Variants in OR51B5 observed in about 807,000 individuals in gnomAD.
The protein encoded by OR51B5 is olfactory receptor 51B5.
For synonymous variants in OR51B5, 186 were observed against 144.8 expected (o/e 1.28, Z -2.04); for missense variants, 456 against 374.6 (o/e 1.22, Z -1.79).
chr11:5,402,574 A>C (rs770526554), intron 1 of OR51B5: 34 of 456,860 alleles, frequency 7.4e-5, no homozygotes, highest in Non-Finnish European at 4.6e-5. Context: ...GGTGGCACTG[A>C]TCCCTGAGGA....
At chr11:5,475,171 T>G (rs1244154056) in intron 1 of OR51B5, among the ~76,000 whole-genome samples, 2 of 152,188 alleles carry the variant, frequency 1.3e-5, no homozygotes, top group African/African-American at 4.8e-5. Context: ...TTCCCCACAT[T>G]ATTCAGCCCT....
At chr11:5,350,792 G>A (rs867866293) in intron 1 of OR51B5, among the ~76,000 whole-genome samples, 1 of 152,040 alleles carries the variant, frequency 6.6e-6, no homozygotes, top group Non-Finnish European at 1.5e-5. Context: ...AATAACTAGG[G>A]TTATAAAGCT....
At chr11:5,459,493 T>C (rs1851014168) in intron 1 of OR51B5, among the ~76,000 whole-genome samples, 1 of 140,320 alleles carries the variant, frequency 7.1e-6, no homozygotes, top group Non-Finnish European at 1.5e-5. Context: ...TTTTGTCAGA[T>C]GTATGCTTTG....
intron 1 of OR51B5, among the ~76,000 whole-genome samples, chr11:5,387,479 T>C (rs528025805): frequency 2.1e-4 from 32 of 152,046 alleles, no homozygotes; most frequent in Admixed American, 1.5e-3. Flanking sequence ...CTTGCCAAAG[T>C]GATGTAAGCC....
intron 1 of OR51B5, among the ~76,000 whole-genome samples, chr11:5,483,830 G>A (rs192853299): frequency 2.8e-4 from 42 of 152,228 alleles, no homozygotes; most frequent in Non-Finnish European, 4.4e-4. Flanking sequence ...CTTGACTAGA[G>A]GAGGCAGAAA....
chr11:5,448,320 T>C (rs1480710485), intron 1 of OR51B5, among the ~76,000 whole-genome samples: 1 of 152,230 alleles, frequency 6.6e-6, no homozygotes, highest in Non-Finnish European at 1.5e-5. Flanking sequence ...ACCCAGTAGA[T>C]GTTAATCTAA....
At chr11:5,387,787 A>C (rs1849721749) in intron 1 of OR51B5, among the ~76,000 whole-genome samples, 1 of 152,106 alleles carries the variant, frequency 6.6e-6, no homozygotes, top group African/African-American at 2.4e-5. Context: ...TTCTTCTCTA[A>C]AATTACCTAC....
chr11:5,465,631 C>T (rs1355237472), intron 1 of OR51B5, among the ~76,000 whole-genome samples: 1 of 142,812 alleles, frequency 7.0e-6, no homozygotes, highest in South Asian at 2.4e-4. Context: ...TGGAACAGAA[C>T]AGAGCCCTCA....
intron 1 of OR51B5, among the ~76,000 whole-genome samples, chr11:5,398,364 T>C (rs997589223): frequency 6.6e-6 from 1 of 152,180 alleles, no homozygotes; most frequent in Non-Finnish European, 1.5e-5. Flanking sequence ...ACCTGGGTAA[T>C]TGCTCCTCAG....
At chr11:5,463,068 T>G (rs1006483300) in intron 1 of OR51B5, among the ~76,000 whole-genome samples, 4 of 152,176 alleles carry the variant, frequency 2.6e-5, no homozygotes, top group Non-Finnish European at 4.4e-5. Context: ...TAGGGGTAGG[T>G]GGGTGTGGTT....
At chr11:5,440,787 C>A in intron 1 of OR51B5, 1 of 1,613,892 alleles carries the variant, frequency 6.2e-7, no homozygotes, top group Non-Finnish European at 8.5e-7. Flanking sequence ...GTGTGACATG[C>A]AGGTGTTGAG....
At chr11:5,369,999 T>C (rs1171384690) in intron 1 of OR51B5, among the ~76,000 whole-genome samples, 3 of 152,020 alleles carry the variant, frequency 2.0e-5, no homozygotes, top group Non-Finnish European at 4.4e-5. Flanking sequence ...TCAATCTGTA[T>C]CAACAAGATC....
At chr11:5,479,595 G>T (rs1382348817) in intron 1 of OR51B5, among the ~76,000 whole-genome samples, 2 of 151,976 alleles carry the variant, frequency 1.3e-5, no homozygotes, top group African/African-American at 2.4e-5. Flanking sequence ...AGACCCATCA[G>T]TGTGCTGTAT....
intron 1 of OR51B5, among the ~76,000 whole-genome samples, chr11:5,358,467 C>T (rs901758181): frequency 2.0e-5 from 3 of 152,156 alleles, no homozygotes; most frequent in African/African-American, 4.8e-5. Flanking sequence ...TCTGAATAGA[C>T]CAATAACAGG....
At chr11:5,373,559 G>T (rs373006446) in intron 1 of OR51B5, among the ~76,000 whole-genome samples, 1 of 152,158 alleles carries the variant, frequency 6.6e-6, no homozygotes, top group Non-Finnish European at 1.5e-5. Context: ...AGGGGTCATG[G>T]AGTTCCCTTT....
chr11:5,406,446 A>G (rs1459042449), intron 1 of OR51B5, among the ~76,000 whole-genome samples: 1 of 152,168 alleles, frequency 6.6e-6, no homozygotes, highest in East Asian at 1.9e-4. Flanking sequence ...CTTGGTGTCT[A>G]TGAAATTGTG....
intron 1 of OR51B5, chr11:5,441,660 C>G (rs964242052): frequency 1.8e-5 from 12 of 651,500 alleles, no homozygotes; most frequent in African/African-American, 1.8e-4. Context: ...ACACTCATCT[C>G]TTTAAGGAAG....
rs770497512 is a variant in OR51B5 at position 5,440,767 on chromosome 11, C to G, written n.84+64802G>C. The G allele has an allele frequency of 3.7e-6, 6 of 1,613,848 alleles. No individual in the cohort carries two copies. The African/African-American group carries it at 8.0e-5, about 22-fold the overall frequency. Reference sequence around the variant, plus strand: ...ATTATGGGCACATAAAAGGCCAGCACTGCACAGATGTGTGACATGCAGGTG... The same window carrying G: ...ATTATGGGCACATAAAAGGCCAGCAGTGCACAGATGTGTGACATGCAGGTG... On this transcript the variant is annotated intron_variant and non_coding_transcript_variant, in intron 1 of 4. Transcript: ENST00000415970.
chr11:5,383,464 A>C (rs1849641008), intron 1 of OR51B5, among the ~76,000 whole-genome samples: 1 of 152,258 alleles, frequency 6.6e-6, no homozygotes, highest in Non-Finnish European at 1.5e-5. Flanking sequence ...CATCACATGG[A>C]TAATCCTCTT....
Sources: allele counts gnomAD v4.1 joint callset (sites outside exome capture counted in the v4.1 genomes callset), GRCh38; gene constraint gnomAD v4.1.1; transcripts MANE v1.5; gene names NCBI Gene and HGNC (gene_info 2026-07-23, HGNC 2026-07-21).